The following JAKMIP3 variants were observed in gnomAD, a reference collection of about 807,000 sequenced individuals.
JAKMIP3 encodes janus kinase and microtubule-interacting protein 3.
A neutral mutation model predicts 118.5 loss-of-function variants in JAKMIP3; 58 were observed. The ratio of observed to expected loss-of-function variants is 0.49; its 90% CI spans 0.40 to 0.61. The LOEUF is 0.61. Ranked by LOEUF, JAKMIP3 falls within the 20% of genes least tolerant of loss-of-function variation. The probability of loss-of-function intolerance (pLI) is 0.00; values close to 1 mark genes in which losing one functional copy is unlikely to be tolerated. For missense variants in JAKMIP3, 950 were observed against 1,109.0 expected (o/e 0.86, Z 2.04); for synonymous variants, 486 against 451.2 (o/e 1.08, Z -0.98).
chr10:132,121,914 T>C (rs971600788), intron 3 of JAKMIP3, among the ~76,000 whole-genome samples: 2 of 151,528 alleles, frequency 1.3e-5, no homozygotes, highest in East Asian at 1.9e-4. Context: ...TCTGAGGGAG[T>C]CCTGGGTGTT....
chr10:132,165,514 G>A (rs191941296), intron 21 of JAKMIP3, among the ~76,000 whole-genome samples: 1 of 152,262 alleles, frequency 6.6e-6, no homozygotes, highest in East Asian at 1.9e-4. Flanking sequence ...GAAGGGACGG[G>A]CTCCCTCCGA....
In JAKMIP3 at chr10:132,140,455, T is replaced by C. The variant is rs2053267801; in HGVS notation, c.1349T>C (p.Val450Ala). The change falls in exon 10 of 24, where the codon GTG becomes GCG. Residue 450 changes from valine to alanine, a missense_variant. Physicochemically the swap from Val to Ala is moderately conservative, Grantham distance 64. Coordinates refer to ENST00000684848, the MANE Select transcript of JAKMIP3 (RefSeq NM_001323087.2). ...RKKMAKLPKP[V>A]VVETFFGYDE... ...ACGTCGCATTTTGGTCACAAGCCGG[T>C]GGTTGTGGAGACCTTCTTTGGATAC... is the stretch of plus-strand genomic sequence containing the variant. The C allele has an allele frequency of 6.2e-7, 1 of 1,613,640 alleles. No individual in the cohort carries two copies.
chr10:132,122,646 G>T lies in JAKMIP3; in HGVS notation c.633+5072G>T, dbSNP rs115622120. Among the ~76,000 whole-genome samples the T allele has an allele frequency of 9.3e-3, 1,413 of 152,356 alleles. 28 individuals are homozygous for T. Among genetic ancestry groups the T allele is most frequent in the African/African-American group, 0.032 (1,336 of 41,590 alleles). ...CCTGGTGAGGGCTCAGGGTCTCAGA[G>T]AGGAAGCCAGATGGAGGGAAGACAG... On this transcript the variant is annotated intron_variant, in intron 3 of 23. Coordinates refer to ENST00000684848, the MANE Select transcript of JAKMIP3 (RefSeq NM_001323087.2).
chr10:132,176,846 G>A (rs558530922), intron 23 of JAKMIP3, among the ~76,000 whole-genome samples: 29 of 151,938 alleles, frequency 1.9e-4, no homozygotes, highest in Admixed American at 1.2e-3. Context: ...TGGAGTCTCC[G>A]GATGCGCTGG....
Position 132,137,182 on chromosome 10 carries a change from C to T in JAKMIP3, c.1248+32C>T, listed in dbSNP as rs539382663. The T allele has an allele frequency of 8.7e-6, 14 of 1,613,860 alleles. 1 individual carries two copies. The highest frequency in any genetic ancestry group is 1.6e-4 in the Middle Eastern group (1 of 6,062). On this transcript the variant is annotated intron_variant, in intron 7 of 23. Coordinates refer to ENST00000684848, the MANE Select transcript of JAKMIP3 (RefSeq NM_001323087.2). The stretch of plus-strand genomic sequence containing the variant: ...GGCGGGCTGTTTGCTGCGGCCCCGT[C>T]CTCTGGCTCCCAAGGGGCTTGGCTA...
intron 19 of JAKMIP3, among the ~76,000 whole-genome samples, chr10:132,156,778 G>A (rs1228041651): frequency 6.6e-6 from 1 of 152,222 alleles, no homozygotes; most frequent in South Asian, 2.1e-4. Context: ...CATAGGTGAA[G>A]AGGAAAAGAG....
intron 3 of JAKMIP3, among the ~76,000 whole-genome samples, chr10:132,129,586 G>A (rs183980416): frequency 7.9e-5 from 12 of 152,324 alleles, no homozygotes; most frequent in Admixed American, 3.9e-4. Context: ...CTGTTTCCCA[G>A]GAGAGAGGTT....
intron 3 of JAKMIP3, among the ~76,000 whole-genome samples, chr10:132,130,768 A>G (rs2050419507): frequency 6.6e-6 from 1 of 152,146 alleles, no homozygotes; most frequent in African/African-American, 2.4e-5. Flanking sequence ...GGCGAGACGC[A>G]TGTGTGCAGG....
chr10:132,113,991 A>G (rs1011096815), intron 2 of JAKMIP3, among the ~76,000 whole-genome samples: 2 of 152,298 alleles, frequency 1.3e-5, no homozygotes, highest in South Asian at 2.1e-4. Context: ...TGTTCTGGCC[A>G]GTGTAGCAGT....
At chr10:132,045,911 G>T (rs1002968581) in intron 1 of JAKMIP3, among the ~76,000 whole-genome samples, 3 of 146,702 alleles carry the variant, frequency 2.0e-5, no homozygotes, top group African/African-American at 7.6e-5. Flanking sequence ...TCCAGCCTGG[G>T]TGACAGAGCA....
intron 1 of JAKMIP3, among the ~76,000 whole-genome samples, chr10:132,098,549 T>TTAGCGTCCATCGC (rs2044335754): frequency 2.0e-5 from 3 of 152,334 alleles, no homozygotes. Flanking sequence ...TTGTCCATCT[T>TTAGCGTCCATCGC]GAAGCATCTT....
chr10:132,180,686 T>TGC lies in JAKMIP3; in HGVS notation c.*1104-1670_*1104-1669insCG, dbSNP rs1409400199. ...GTGTGCGTGTGTGTGCGCGCGCGTG[T>TGC]GTGTGCGTGCGTGTGTGTGTGCGCG... On this transcript the variant is annotated intron_variant, in intron 23 of 23. Coordinates refer to ENST00000684848, the MANE Select transcript of JAKMIP3 (RefSeq NM_001323087.2). Among the ~76,000 whole-genome samples, 35 of 20,960 alleles carry TGC rather than the reference T, an allele frequency of 1.7e-3. 2 individuals carry two copies. Among genetic ancestry groups the TGC allele is most frequent in the East Asian group, 5.0e-3 (1 of 200 alleles). The allele number at this position is 20,960 out of a possible 152,430, so 13.8% of individuals were successfully genotyped here.
Position 132,180,644 on chromosome 10 carries a change from TGC to T in JAKMIP3, c.*1104-1711_*1104-1710del, listed in dbSNP as rs1345712699. ...GTGTGTGCGTGTGTGCGTGCGTGTGTGCGTGTGCGTGTGCGTGTGTGCGTGTG... is the reference window on the plus strand; with the variant it reads ...GTGTGTGCGTGTGTGCGTGCGTGTGTGTGTGCGTGTGCGTGTGTGCGTGTG... On this transcript the variant is annotated intron_variant, in intron 23 of 23. Transcript: ENST00000684848. Among the ~76,000 whole-genome samples the T allele has an allele frequency of 9.4e-3, 229 of 24,286 alleles. 34 individuals are homozygous for T. The East Asian group carries it at 0.14, about 15-fold the overall frequency. The allele number at this position is 24,286 out of a possible 152,430, so 15.9% of individuals were successfully genotyped here.
intron 19 of JAKMIP3, among the ~76,000 whole-genome samples, chr10:132,156,921 T>G (rs1191169536): frequency 6.6e-6 from 1 of 152,164 alleles, no homozygotes; most frequent in Non-Finnish European, 1.5e-5. Flanking sequence ...AGTTCTGATT[T>G]ACAACACAGA....
chr10:132,071,879 CCTTT>C (rs1360345846), intron 1 of JAKMIP3, among the ~76,000 whole-genome samples: 2 of 20,538 alleles, frequency 9.7e-5, no homozygotes, highest in African/African-American at 5.0e-4. Flanking sequence ...TTCTTTCCTT[CCTTT>C]CTTTCTTTCC....
intron 3 of JAKMIP3, among the ~76,000 whole-genome samples, chr10:132,127,664 CCT>C (rs1174136645): frequency 2.0e-5 from 3 of 151,976 alleles, no homozygotes; most frequent in East Asian, 1.9e-4. Context: ...CTCTCATCCC[CCT>C]GTTCCTTTTT....
At chr10:132,055,199 G>A (rs2038206543) in intron 1 of JAKMIP3, among the ~76,000 whole-genome samples, 1 of 152,178 alleles carries the variant, frequency 6.6e-6, no homozygotes, top group Admixed American at 6.5e-5. Flanking sequence ...CAGGAGTAGT[G>A]CCTTTCTCTG....
chr10:132,164,189 C>T (rs2058661727), intron 20 of JAKMIP3, among the ~76,000 whole-genome samples: 1 of 152,210 alleles, frequency 6.6e-6, no homozygotes, highest in African/African-American at 2.4e-5. Context: ...CTTTGGTCTC[C>T]AGGGGCTCAG....
At position 132,183,510 on chromosome 10, in the gene JAKMIP3, T is replaced by C. The variant is rs2061639658; in HGVS notation, c.*2257T>C. On this transcript the variant is annotated 3_prime_UTR_variant, in exon 24 of 24. Transcript: ENST00000684848. ...ACTCTTAATCACAGTTCTGTAATAA[T>C]AATAAGGCAAACTATACGGCAAAGA... The C allele has an allele frequency of 6.6e-6, 1 of 151,848 alleles. No homozygotes were observed. The highest frequency in any genetic ancestry group is 1.5e-5 in the Non-Finnish European group (1 of 68,020). 9.4% of individuals were successfully genotyped at this position (151,848 alleles called of 1,614,324 possible). A position where few individuals can be genotyped will look rare whatever the true frequency, so the allele number is the denominator to read the frequency against.
Sources: gnomAD v4.1 joint callset for allele counts (sites outside exome capture counted in the v4.1 genomes callset) on GRCh38, gnomAD v4.1.1 for gene constraint, MANE v1.5 for transcripts, NCBI Gene and HGNC (gene_info 2026-07-23, HGNC 2026-07-21) for gene names.